Variants in ADGRF5 observed in about 807,000 individuals in gnomAD.
ADGRF5 encodes the protein G-protein coupled receptor 116.
A neutral mutation model predicts 132.3 loss-of-function variants in ADGRF5; 75 were observed. That is an observed-to-expected ratio of 0.57 (90% CI 0.47 to 0.69). The LOEUF is 0.69. ADGRF5 is among the 30% of genes least tolerant of loss of function. ADGRF5 has a pLI of 0.00. For missense variants in ADGRF5, 1,516 were observed against 1,630.6 expected, an observed-to-expected ratio of 0.93 and a Z score of 1.21; for synonymous variants, 629 against 597.6, an observed-to-expected ratio of 1.05 and a Z score of -0.77.
chr6:46,920,077 C>T (rs937368212), intron 1 of ADGRF5, among the ~76,000 whole-genome samples: 25 of 152,184 alleles, frequency 1.6e-4, no homozygotes, highest in Admixed American at 7.2e-4. Flanking sequence ...CTTCACTCTA[C>T]GTTCTCTGGG....
chr6:46,866,094 T>G (rs978539516), intron 13 of ADGRF5, among the ~76,000 whole-genome samples: 3 of 152,240 alleles, frequency 2.0e-5, no homozygotes, highest in Admixed American at 2.0e-4. Flanking sequence ...CAGAGAGACT[T>G]TGATTTTTTT....
At chr6:46,952,905 G>C (rs1007278278) in intron 1 of ADGRF5, among the ~76,000 whole-genome samples, 1 of 152,166 alleles carries the variant, frequency 6.6e-6, no homozygotes, top group Non-Finnish European at 1.5e-5. Flanking sequence ...CCGCTTAGTA[G>C]AAGATGGATG....
chr6:46,918,420 T>A (rs220716), intron 1 of ADGRF5, among the ~76,000 whole-genome samples: 1 of 152,184 alleles, frequency 6.6e-6, no homozygotes, highest in Non-Finnish European at 1.5e-5. Flanking sequence ...TTAAAAAACA[T>A]CCATGACTTA....
At chr6:46,860,126 T>C (rs1769566982) in intron 16 of ADGRF5, among the ~76,000 whole-genome samples, 1 of 152,154 alleles carries the variant, frequency 6.6e-6, no homozygotes, top group Admixed American at 6.5e-5. Context: ...TGCTGACTGG[T>C]CCCGCCTCTA....
At chr6:46,952,708 T>G (rs1207017524) in intron 1 of ADGRF5, among the ~76,000 whole-genome samples, 1 of 152,250 alleles carries the variant, frequency 6.6e-6, no homozygotes, top group African/African-American at 2.4e-5. Flanking sequence ...GCTCATTCAT[T>G]CATTCATTTA....
chr6:46,905,635 C>T (rs1775273819), intron 2 of ADGRF5, among the ~76,000 whole-genome samples: 1 of 151,572 alleles, frequency 6.6e-6, no homozygotes, highest in Admixed American at 6.6e-5. Flanking sequence ...CAAACAAAAG[C>T]AGAAATGACA....
At chr6:46,953,685 A>ATCTATC (rs1554131446) in intron 1 of ADGRF5, among the ~76,000 whole-genome samples, 44 of 126,952 alleles carry the variant, frequency 3.5e-4, no homozygotes, top group African/African-American at 1.2e-3. Flanking sequence ...ATATATATAT[A>ATCTATC]TATATCTCAC....
intron 20 of ADGRF5, chr6:46,854,626 G>T: frequency 1.4e-6 from 1 of 710,040 alleles, no homozygotes; most frequent in Non-Finnish European, 2.2e-6. Flanking sequence ...CAACTGCACA[G>T]GCTTGTCTGC....
chr6:46,896,508 T>C (rs973256609), intron 3 of ADGRF5, among the ~76,000 whole-genome samples: 1 of 152,136 alleles, frequency 6.6e-6, no homozygotes, highest in African/African-American at 2.4e-5. Context: ...CACTATTTTA[T>C]AAATAAATCG....
chr6:46,869,194 GAA>G, intron 11 of ADGRF5, 102 bp from the exon 12 acceptor site: 1 of 1,337,934 alleles, frequency 7.5e-7, no homozygotes, highest in Non-Finnish European at 1.0e-6. Context: ...GAGAGGGACA[GAA>G]AAAAAAAATG....
chr6:46,893,678 G>A (rs1160484636), intron 3 of ADGRF5, among the ~76,000 whole-genome samples: 2 of 152,154 alleles, frequency 1.3e-5, no homozygotes, highest in South Asian at 2.1e-4. Context: ...TCCTCAGGAT[G>A]TCTGAATCCT....
At chr6:46,900,618 C>T (rs1050119101) in intron 2 of ADGRF5, among the ~76,000 whole-genome samples, 1 of 152,130 alleles carries the variant, frequency 6.6e-6, no homozygotes. Context: ...GTAGTAGGAA[C>T]TAAGAAAGCC....
intron 11 of ADGRF5, among the ~76,000 whole-genome samples, chr6:46,870,005 G>C (rs1010952228): frequency 6.6e-6 from 1 of 151,862 alleles, no homozygotes; most frequent in East Asian, 1.9e-4. Flanking sequence ...CACTATTTTT[G>C]TCTAACTGTG....
rs897841696 is a variant in ADGRF5, at chr6:46,858,597, G to A, written c.3306C>T (p.Phe1102=). ...GCATGAGGCCCAGTGTCAGCATCCA[G>A]AAGAAGACGCTGAGGTAGAAGAAGT... ...FIHFFYLSVF[F]WMLTLGLMLF... Residue 1102 remains phenylalanine, a synonymous_variant, in exon 17 of 21, where the codon TTC becomes TTT. Coordinates refer to ENST00000283296, the MANE Select transcript of ADGRF5 (RefSeq NM_001098518.2). 3 of 1,613,924 alleles carry A rather than the reference G, an allele frequency of 1.9e-6. No homozygotes were observed. In the African/African-American group the frequency reaches 4.0e-5, roughly 22 times the overall value.
In ADGRF5 at chr6:46,883,539, T is replaced by A. The variant is rs767192011; in HGVS notation, c.612+20A>T. The A allele has an allele frequency of 7.5e-7, 1 of 1,332,616 alleles. No homozygotes were observed. Among genetic ancestry groups the A allele is most frequent in the Non-Finnish European group, 1.1e-6 (1 of 927,984 alleles). The allele number at this position is 1,332,616 out of a possible 1,614,324, so 82.5% of individuals were successfully genotyped here. A position where few individuals can be genotyped will look rare whatever the true frequency, so the allele number is the denominator to read the frequency against. On this transcript the variant is annotated intron_variant, in intron 6 of 20. Transcript: ENST00000283296. ...TCCAAACAGTTTGTTAGTTAAGAGG[T>A]TCTTGGGGCCAAAACCTACCGCTGT...
upstream of ADGRF5, among the ~76,000 whole-genome samples, chr6:46,922,249 G>T (rs1238651662): frequency 6.6e-6 from 1 of 152,164 alleles, no homozygotes; most frequent in Non-Finnish European, 1.5e-5. Context: ...ACTTCAGAGA[G>T]GAAGGAAAAT....
chr6:46,905,737 TAAC>T (rs955034264), intron 2 of ADGRF5, among the ~76,000 whole-genome samples: 1 of 149,474 alleles, frequency 6.7e-6, no homozygotes, highest in African/African-American at 2.6e-5. Flanking sequence ...AATGAACCTC[TAAC>T]AACAATGACT....
intron 10 of ADGRF5, among the ~76,000 whole-genome samples, chr6:46,875,115 G>C (rs1040427465): frequency 5.9e-5 from 9 of 152,216 alleles, no homozygotes; most frequent in African/African-American, 2.2e-4. Context: ...AGAAGCAGCA[G>C]CATGCAGGTC....
intron 11 of ADGRF5, among the ~76,000 whole-genome samples, chr6:46,870,047 G>T (rs966615529): frequency 5.3e-5 from 8 of 151,992 alleles, no homozygotes; most frequent in Non-Finnish European, 8.8e-5. Flanking sequence ...TTACATGGTT[G>T]ATATTTCAAA....
Sources: allele counts gnomAD v4.1 joint callset (sites outside exome capture counted in the v4.1 genomes callset), GRCh38; gene constraint gnomAD v4.1.1; transcripts MANE v1.5; gene names NCBI Gene and HGNC (gene_info 2026-07-23, HGNC 2026-07-21).